Variants in CNTN5 observed in about 807,000 individuals in gnomAD.
CNTN5 encodes contactin-5.
Under a neutral mutation model 129.1 loss-of-function variants are expected in CNTN5, and 77 were observed. The ratio of observed to expected loss-of-function variants is 0.60; its 90% confidence interval spans 0.50 to 0.72. The LOEUF (loss-of-function observed/expected upper bound fraction) is 0.72. Ranked by LOEUF, CNTN5 falls within the 30% of genes least tolerant of loss-of-function variation. The pLI, the probability that CNTN5 is intolerant of heterozygous loss-of-function variation, is 0.00. For missense variants in CNTN5, 1,478 were observed against 1,328.8 expected (o/e 1.11, Z -1.75); for synonymous variants, 509 against 465.6 (o/e 1.09, Z -1.20).
chr11:99,741,200 A>G (rs941932955), intron 3 of CNTN5, among the ~76,000 whole-genome samples: 1 of 152,188 alleles, frequency 6.6e-6, no homozygotes, highest in African/African-American at 2.4e-5. Context: ...TTGGGATTCT[A>G]ATTAGAACGA....
intron 2 of CNTN5, among the ~76,000 whole-genome samples, chr11:99,419,041 T>C (rs966542499): frequency 6.6e-6 from 1 of 152,112 alleles, no homozygotes; most frequent in Admixed American, 6.5e-5. Context: ...ATAAGGAATG[T>C]CAAGTTTCTA....
intron 12 of CNTN5, 92 bp from the exon 13 acceptor site, chr11:100,074,052 C>A: frequency 8.2e-7 from 1 of 1,221,740 alleles, no homozygotes. Flanking sequence ...GAAATGCCTC[C>A]CAGAAGAAAA....
At chr11:99,850,557 T>A (rs142904477) in intron 6 of CNTN5, among the ~76,000 whole-genome samples, 1 of 152,186 alleles carries the variant, frequency 6.6e-6, no homozygotes, top group Non-Finnish European at 1.5e-5. Flanking sequence ...AGCAAATGTA[T>A]GCTTGTATAA....
rs1947647812 is a variant in CNTN5, at chr11:99,845,219, T to C, written c.534T>C (p.Thr178=). The C allele has an allele frequency of 1.2e-6, 2 of 1,613,570 alleles. No homozygotes were observed. The highest frequency in any genetic ancestry group is 1.7e-6 in the Non-Finnish European group (2 of 1,179,746). The change falls in exon 6 of 25, where the codon ACT becomes ACC. Residue 178 remains threonine (T), a synonymous_variant. Transcript: ENST00000524871. ...SGHYQCLATN[T]VGSILSREAT... ...ATTATCAGTGTTTAGCAACCAACAC[T>C]GTGGGGAGTATTCTTAGTAGAGAAG...
intron 9 of CNTN5, among the ~76,000 whole-genome samples, chr11:100,025,245 A>G (rs1941361103): frequency 6.6e-6 from 1 of 152,248 alleles, no homozygotes; most frequent in East Asian, 1.9e-4. Flanking sequence ...TGCAAACCCC[A>G]AGCCTTGGTG....
chr11:99,120,105 G>T (rs985103018), intron 1 of CNTN5: 2 of 152,078 alleles, frequency 1.3e-5, no homozygotes, highest in African/African-American at 2.4e-5. Context: ...TTCTTTTACT[G>T]TGCAGCAGCT....
At chr11:99,369,497 G>A (rs1939699186) in intron 2 of CNTN5, among the ~76,000 whole-genome samples, 1 of 151,370 alleles carries the variant, frequency 6.6e-6, no homozygotes, top group Non-Finnish European at 1.5e-5. Context: ...TTTATTTGCT[G>A]ATAATATGTT....
At chr11:99,361,730 T>C (rs922708425) in intron 2 of CNTN5, among the ~76,000 whole-genome samples, 8 of 152,196 alleles carry the variant, frequency 5.3e-5, no homozygotes, top group African/African-American at 1.7e-4. Flanking sequence ...AGTGGAATCA[T>C]ACACACACTA....
chr11:99,445,558 C>G (rs189510750), intron 2 of CNTN5, among the ~76,000 whole-genome samples: 2 of 152,248 alleles, frequency 1.3e-5, no homozygotes, highest in African/African-American at 4.8e-5. Context: ...ATTAATTTAT[C>G]TTTCCCATAT....
chr11:99,291,094 A>C (rs1357241441), intron 1 of CNTN5, among the ~76,000 whole-genome samples: 1 of 151,914 alleles, frequency 6.6e-6, no homozygotes, highest in Non-Finnish European at 1.5e-5. Flanking sequence ...CATGAAAAAT[A>C]ATGGGATTCT....
chr11:99,107,539 G>A, intron 1 of CNTN5, among the ~76,000 whole-genome samples: 1 of 151,976 alleles, frequency 6.6e-6, no homozygotes, highest in South Asian at 2.1e-4. Flanking sequence ...TAATTCTTGA[G>A]TCATCATAGG....
Position 100,038,217 on chromosome 11 carries a change from C to T in CNTN5, c.981-22995C>T, listed in dbSNP as rs1464473962. Among the ~76,000 whole-genome samples the T allele has an allele frequency of 1.5e-4, 22 of 150,992 alleles. No homozygotes were observed. In the South Asian group the frequency reaches 1.5e-3, roughly 10 times the overall value. On this transcript the variant is annotated intron_variant, in intron 9 of 24. Coordinates refer to ENST00000524871, the MANE Select transcript of CNTN5 (RefSeq NM_014361.4). The stretch of plus-strand genomic sequence containing the variant: ...AACATCTTTATTTCTGCCTTCATTT[C>T]GTTATGTACCCAGTAGTCATTCAGG...
chr11:99,619,059 T>G (rs1324569127), intron 3 of CNTN5, among the ~76,000 whole-genome samples: 2 of 152,118 alleles, frequency 1.3e-5, no homozygotes, highest in African/African-American at 4.8e-5. Flanking sequence ...AATCATTTAA[T>G]GTCACCAAAT....
intron 1 of CNTN5, among the ~76,000 whole-genome samples, chr11:99,148,305 G>GT (rs952995795): frequency 1.8e-4 from 27 of 151,666 alleles, no homozygotes; most frequent in African/African-American, 6.3e-4. Context: ...TTTCTCCTCA[G>GT]TTTTTTTACA....
At chr11:99,229,019 A>AT (rs1860840130) in intron 1 of CNTN5, among the ~76,000 whole-genome samples, 2 of 151,828 alleles carry the variant, frequency 1.3e-5, no homozygotes, top group Non-Finnish European at 2.9e-5. Flanking sequence ...TCATTTTCCA[A>AT]TTTTTTCTAC....
intron 13 of CNTN5, among the ~76,000 whole-genome samples, chr11:100,150,405 A>T (rs990039647): frequency 4.6e-5 from 7 of 151,682 alleles, no homozygotes; most frequent in African/African-American, 1.5e-4. Context: ...AAGATTTCAA[A>T]TTTTTTTCTT....
chr11:99,329,144 C>A (rs533185466), intron 2 of CNTN5, among the ~76,000 whole-genome samples: 1 of 151,968 alleles, frequency 6.6e-6, no homozygotes, highest in East Asian at 1.9e-4. Flanking sequence ...GTTGAAGTTC[C>A]TAAGGAGATG....
intron 1 of CNTN5, among the ~76,000 whole-genome samples, chr11:99,045,655 C>A (rs1864176259): frequency 6.6e-6 from 1 of 152,108 alleles, no homozygotes; most frequent in African/African-American, 2.4e-5. Flanking sequence ...AGGATTATTG[C>A]CAGATAGAAG....
At chr11:100,219,092 C>T (rs893222359) in intron 15 of CNTN5, among the ~76,000 whole-genome samples, 1 of 152,122 alleles carries the variant, frequency 6.6e-6, no homozygotes, top group African/African-American at 2.4e-5. Flanking sequence ...CCGGACTAAG[C>T]CTGAGTATTG....
Sources: allele counts gnomAD v4.1 joint callset (sites outside exome capture counted in the v4.1 genomes callset), GRCh38; gene constraint gnomAD v4.1.1; transcripts MANE v1.5; gene names NCBI Gene and HGNC (gene_info 2026-07-23, HGNC 2026-07-21).